The following NAV1 variants were observed in gnomAD, a reference collection of about 807,000 sequenced individuals.
The protein encoded by NAV1 is neuron navigator 1.
NAV1 carries 18 observed loss-of-function variants against 175.2 expected under a neutral mutation model. The observed-to-expected ratio is 0.10, with a 90% confidence interval of 0.07 to 0.15. NAV1 has a LOEUF of 0.15. Among genes scored for constraint, NAV1 ranks in the 10% least tolerant of loss-of-function variants. NAV1 has a pLI of 1.00. For missense variants in NAV1, 1,731 were observed against 2,436.6 expected (o/e 0.71, Z 6.10); for synonymous variants, 897 against 978.7 (o/e 0.92, Z 1.56).
exon 1 of NAV1, chr1:201,623,478 G>C (rs1334401719): frequency 2.0e-6 from 2 of 986,048 alleles, no homozygotes; most frequent in East Asian, 2.3e-4. Flanking sequence ...CAGCTTCGTG[G>C]GCTTCCTCTC....
chr1:201,562,171 A>T (rs1389689783), intron 1 of NAV1, among the ~76,000 whole-genome samples: 3 of 127,272 alleles, frequency 2.4e-5, no homozygotes, highest in Non-Finnish European at 1.6e-5. Context: ...TGCCTGGCTA[A>T]TTTTTTTTTT....
At chr1:201,646,673 C>T (rs747151987), upstream of NAV1, among the ~76,000 whole-genome samples, 10 of 152,140 alleles carry the variant, frequency 6.6e-5, no homozygotes, top group South Asian at 2.1e-4. Context: ...GATTTTATGG[C>T]ATCTCAATCT....
intron 3 of NAV1, among the ~76,000 whole-genome samples, chr1:201,761,873 C>G (rs1475819288): frequency 6.6e-6 from 1 of 152,128 alleles, no homozygotes; most frequent in Non-Finnish European, 1.5e-5. Context: ...AAATCAGAGG[C>G]CATGCTCAGT....
intron 1 of NAV1, among the ~76,000 whole-genome samples, chr1:201,583,194 T>C (rs1050143958): frequency 2.6e-5 from 4 of 152,274 alleles, no homozygotes; most frequent in Admixed American, 2.6e-4. Flanking sequence ...CTGATTTCTT[T>C]GTGTGCCTCG....
chr1:201,658,165 C>T (rs781677832), intron 1 of NAV1, among the ~76,000 whole-genome samples: 3 of 152,172 alleles, frequency 2.0e-5, no homozygotes, highest in Non-Finnish European at 2.9e-5. Context: ...CCATTTAATT[C>T]AGGAGCAACT....
At chr1:201,646,092 G>A (rs1215178488), upstream of NAV1, among the ~76,000 whole-genome samples, 1 of 152,126 alleles carries the variant, frequency 6.6e-6, no homozygotes, top group African/African-American at 2.4e-5. Context: ...CATAAGCATG[G>A]GTACTTCGTG....
At position 201,605,862 on chromosome 1, in the gene NAV1, G is replaced by C. The variant is rs182196314; in HGVS notation, c.-32-16991G>C. On this transcript the variant is annotated intron_variant, in intron 2 of 33. Coordinates refer to the NAV1 transcript ENST00000685211. ...TCTCCTGCCTAAGCACTGTGGGGGG[G>C]TGTGAGCCCCGTGAGATCCCTGCTC... is the stretch of plus-strand genomic sequence containing the variant. Among the ~76,000 whole-genome samples, 4 of 152,302 alleles carry C rather than the reference G, an allele frequency of 2.6e-5. No individual in the cohort carries two copies. The South Asian group carries it at 8.3e-4, about 32-fold the overall frequency.
chr1:201,601,555 C>T (rs749674807), intron 2 of NAV1, among the ~76,000 whole-genome samples: 2 of 152,072 alleles, frequency 1.3e-5, no homozygotes, highest in African/African-American at 4.8e-5. Flanking sequence ...GTCATGAGGG[C>T]AGAGCCTTCT....
At chr1:201,636,153 C>T (rs1668613650) in intron 2 of NAV1, among the ~76,000 whole-genome samples, 1 of 152,228 alleles carries the variant, frequency 6.6e-6, no homozygotes, top group South Asian at 2.1e-4. Context: ...CTATTGTCTC[C>T]CTGGGAAGGC....
intron 3 of NAV1, chr1:201,739,919 T>C (rs1673293300): frequency 3.1e-6 from 4 of 1,303,100 alleles, no homozygotes; most frequent in Non-Finnish European, 3.9e-6. Context: ...ACCCTCCGCG[T>C]GGCCCACAGC....
In NAV1 at chr1:201,718,865, G is replaced by A; in HGVS notation, c.1226+110G>A. On this transcript the variant is annotated intron_variant, in intron 3 of 29. Coordinates refer to ENST00000367296, the Ensembl canonical transcript of NAV1. The surrounding 1 kb of genome is among the most constrained non-coding windows in gnomAD (Gnocchi z 4.8). ...AAAACGGGTTTTGGTTTGCTGTGCT[G>A]CTATGAAAGTACACAAAAGTGTGCT... 1 of 1,357,340 alleles carries A rather than the reference G, an allele frequency of 7.4e-7. No individual in the cohort carries two copies. Among genetic ancestry groups the A allele is most frequent in the Non-Finnish European group, 1.0e-6 (1 of 985,582 alleles). 84.1% of individuals were successfully genotyped at this position (1,357,340 alleles called of 1,614,324 possible).
chr1:201,544,897 C>T (rs760347935), intron 1 of NAV1, among the ~76,000 whole-genome samples: 13 of 152,088 alleles, frequency 8.5e-5, no homozygotes, highest in East Asian at 5.8e-4. Flanking sequence ...TGATATATGA[C>T]GTAATAGCAA....
At chr1:201,779,598 CAAAAAAAAAAAA>C (rs10624879) in intron 3 of NAV1, among the ~76,000 whole-genome samples, 2 of 69,076 alleles carry the variant, frequency 2.9e-5, no homozygotes, top group Non-Finnish European at 4.8e-5. Context: ...GACTCCGTCT[CAAAAAAAAAAAA>C]AAAAAAAAAA....
At chr1:201,766,694 C>T (rs1172042153) in intron 3 of NAV1, among the ~76,000 whole-genome samples, 5 of 152,192 alleles carry the variant, frequency 3.3e-5, no homozygotes, top group African/African-American at 1.2e-4. Flanking sequence ...GGTCATGGAC[C>T]AAATGTAACT....
At chr1:201,619,072 AG>A (rs2102271612), upstream of NAV1, among the ~76,000 whole-genome samples, 1 of 152,240 alleles carries the variant, frequency 6.6e-6, no homozygotes, top group East Asian at 1.9e-4. Context: ...CGGAAGGAGG[AG>A]AGAGCAGGGC....
chr1:201,708,969 CA>C (rs1255990168), intron 1 of NAV1, among the ~76,000 whole-genome samples: 1 of 152,008 alleles, frequency 6.6e-6, no homozygotes, highest in East Asian at 1.9e-4. Context: ...GGCAACATGG[CA>C]AAACCCCGTC....
chr1:201,729,139 T>A (rs918402058), intron 3 of NAV1, among the ~76,000 whole-genome samples: 3 of 152,216 alleles, frequency 2.0e-5, no homozygotes. Flanking sequence ...AACCTTTTCC[T>A]TATGTTCTGT....
In NAV1 at chr1:201,734,504, GA is replaced by G. The variant is rs1571914579; in HGVS notation, c.1226+15751del. 1.1e-4 allele frequency among the ~76,000 whole-genome samples: 16 copies of G among 150,482 alleles called. No homozygotes were observed. The East Asian group carries it at 2.2e-3, about 20-fold the overall frequency. Reference sequence around the variant, plus strand: ...GGAGGAGGAAGAAGGAGAAGGAGAAGAAGAAGAAGAAGAAGAAGAAGAAGAA... The same window carrying G: ...GGAGGAGGAAGAAGGAGAAGGAGAAGAGAAGAAGAAGAAGAAGAAGAAGAA... On this transcript the variant is annotated intron_variant, in intron 3 of 29. Coordinates refer to ENST00000367296, the Ensembl canonical transcript of NAV1.
intron 1 of NAV1, among the ~76,000 whole-genome samples, chr1:201,663,248 G>A (rs1669683652): frequency 6.6e-6 from 1 of 152,234 alleles, no homozygotes; most frequent in Non-Finnish European, 1.5e-5. Context: ...CAGCCCAGTG[G>A]TTGTTTAGAC....
Sources: gnomAD v4.1 joint callset for allele counts (sites outside exome capture counted in the v4.1 genomes callset) on GRCh38, gnomAD v4.1.1 for gene constraint, Gnocchi (gnomAD v3.1) non-coding constraint, MANE v1.5 for transcripts, NCBI Gene and HGNC (gene_info 2026-07-23, HGNC 2026-07-21) for gene names.